WWP2: variants seen among roughly 807,000 people sequenced by gnomAD.
WWP2 encodes the protein NEDD4-like E3 ubiquitin-protein ligase WWP2.
Under a neutral mutation model 121.0 loss-of-function variants are expected in WWP2, and 57 were observed. The ratio of observed to expected loss-of-function variants is 0.47; its 90% CI spans 0.38 to 0.59. The LOEUF (loss-of-function observed/expected upper bound fraction) is 0.59. Among genes scored for constraint, WWP2 ranks in the 20% least tolerant of loss-of-function variants. The pLI is 0.00. For missense variants in WWP2, 962 were observed against 1,158.9 expected, an observed-to-expected ratio of 0.83 and a Z score of 2.47; for synonymous variants, 449 against 441.3, an observed-to-expected ratio of 1.02 and a Z score of -0.22.
At chr16:69,918,292 A>G (rs2058505685) in intron 10 of WWP2, among the ~76,000 whole-genome samples, 1 of 152,170 alleles carries the variant, frequency 6.6e-6, no homozygotes, top group East Asian at 1.9e-4. Context: ...AACAAAAACA[A>G]AAACAAAAAC....
chr16:69,891,725 C>T (rs2058031801), intron 8 of WWP2, among the ~76,000 whole-genome samples: 1 of 152,182 alleles, frequency 6.6e-6, no homozygotes, highest in Admixed American at 6.5e-5. Context: ...CCTCTTGAGC[C>T]CAGTTCTCTC....
chr16:69,830,472 A>G (rs2056774898), intron 4 of WWP2, among the ~76,000 whole-genome samples: 1 of 152,224 alleles, frequency 6.6e-6, no homozygotes. Flanking sequence ...TATTTTCTCT[A>G]GAAGAGTTCA....
intron 4 of WWP2, among the ~76,000 whole-genome samples, chr16:69,818,074 C>T (rs991524432): frequency 6.6e-6 from 1 of 152,114 alleles, no homozygotes; most frequent in Non-Finnish European, 1.5e-5. Context: ...ACCTGTTTCC[C>T]TGTATCTCCA....
rs1015331276 is a variant in WWP2 at position 69,935,128 on chromosome 16, G to A, written c.1843-725G>A. Among the ~76,000 whole-genome samples the A allele has an allele frequency of 1.3e-5, 2 of 152,188 alleles. No homozygotes were observed. The highest frequency in any genetic ancestry group is 4.1e-4 in the South Asian group (2 of 4,834). On this transcript the variant is annotated intron_variant, in intron 17 of 23. Coordinates refer to ENST00000359154, the MANE Select transcript of WWP2 (RefSeq NM_001270454.2). This position sits in a 1 kb window ranked among gnomAD's most constrained non-coding sequence, Gnocchi z 5.2. ...AAGCGGAGCCCGTGGGAGGCACAGC[G>A]CGGGAGCCACATGCATAGCTGGAGA...
chr16:69,912,369 TCACACACACACACACACACACACACACA>T (rs3051446), intron 9 of WWP2, among the ~76,000 whole-genome samples: 1 of 140,194 alleles, frequency 7.1e-6, no homozygotes, highest in Non-Finnish European at 1.5e-5. Context: ...GGAGTTAGAT[TCACACACACACACACACACACACACACA>T]CACACACACA....
At chr16:69,807,872 T>C (rs2056313583) in intron 4 of WWP2, among the ~76,000 whole-genome samples, 1 of 151,258 alleles carries the variant, frequency 6.6e-6, no homozygotes, top group Non-Finnish European at 1.5e-5. Flanking sequence ...GGTGGGAGGA[T>C]TGCTTCAGTC....
At position 69,937,212 on chromosome 16, in the gene WWP2, C is replaced by T. The variant is rs753776280; in HGVS notation, c.2212C>T (p.Arg738Cys). ...CGAGGTGGCCCCGCTGGAGTGGCTG[C>T]GCTACTTTGACGAGAAAGAGCTGGA... The part of the protein sequence containing the change: ...FNEVAPLEWL[R>C]YFDEKELELM... Residue 738 changes from arginine to cysteine, a missense_variant, in exon 20 of 24, where the codon CGC (arginine) becomes TGC (cysteine). By Grantham distance (180) the Arg-to-Cys change is radical (BLOSUM62 -3). Around this residue, in one of 3 missense-constraint regions of WWP2, gnomAD observed 606 missense variants for 772.6 expected, o/e 0.78. Transcript: ENST00000359154. This position sits in a 1 kb window ranked among gnomAD's most constrained non-coding sequence, Gnocchi z 6.6. 2.7e-5 allele frequency: 43 copies of T among 1,613,174 alleles called. No homozygotes were observed. The highest frequency in any genetic ancestry group is 3.3e-5 in the Admixed American group (2 of 59,946).
intron 6 of WWP2, among the ~76,000 whole-genome samples, chr16:69,847,863 A>C (rs1224360643): frequency 6.6e-6 from 1 of 152,110 alleles, no homozygotes; most frequent in African/African-American, 2.4e-5. Context: ...TTGGGAATCA[A>C]ATTTCAACAT....
chr16:69,785,147 C>T (rs1361670406), intron 1 of WWP2, among the ~76,000 whole-genome samples: 1 of 151,198 alleles, frequency 6.6e-6, no homozygotes, highest in East Asian at 1.9e-4. Context: ...GCACGAGAAT[C>T]ACTTCAACTT....
intron 7 of WWP2, among the ~76,000 whole-genome samples, chr16:69,887,243 G>A (rs770215392): frequency 1.3e-5 from 2 of 152,152 alleles, no homozygotes; most frequent in African/African-American, 4.8e-5. Flanking sequence ...TTGAGCATGA[G>A]CCTTTACAAG....
intron 16 of WWP2, chr16:69,933,058 T>G: frequency 2.0e-6 from 1 of 493,382 alleles, no homozygotes; most frequent in South Asian, 1.5e-5. Context: ...CTTGGTGGGC[T>G]TCTGGTGTGG....
intron 4 of WWP2, among the ~76,000 whole-genome samples, chr16:69,820,825 T>TACACACACACACAC (rs34214656): frequency 3.5e-4 from 50 of 144,166 alleles, no homozygotes; most frequent in Non-Finnish European, 6.4e-4. Flanking sequence ...TACATGCATA[T>TACACACACACACAC]ACACACACAC....
At chr16:69,802,253 T>C (rs2056184157) in intron 4 of WWP2, among the ~76,000 whole-genome samples, 1 of 152,190 alleles carries the variant, frequency 6.6e-6, no homozygotes, top group Admixed American at 6.6e-5. Flanking sequence ...TGTGATAAAA[T>C]ACACATGATG....
At chr16:69,877,514 T>A (rs1399530199) in intron 7 of WWP2, among the ~76,000 whole-genome samples, 3 of 152,344 alleles carry the variant, frequency 2.0e-5, no homozygotes, top group African/African-American at 7.2e-5. Context: ...ATCACTCAAG[T>A]GTTCATCAGA....
At chr16:69,792,285 A>G (rs879356139) in intron 2 of WWP2, among the ~76,000 whole-genome samples, 1 of 152,206 alleles carries the variant, frequency 6.6e-6, no homozygotes, top group Non-Finnish European at 1.5e-5. Flanking sequence ...AAAGCATAGT[A>G]TAATAAAACA....
At chr16:69,843,371 C>T (rs776625004) in intron 6 of WWP2, among the ~76,000 whole-genome samples, 1 of 151,952 alleles carries the variant, frequency 6.6e-6, no homozygotes, top group African/African-American at 2.4e-5. Context: ...GGCAACTGAA[C>T]GTCTAGGCAG....
intron 2 of WWP2, among the ~76,000 whole-genome samples, chr16:69,787,690 C>T (rs2055823098): frequency 6.6e-6 from 1 of 152,228 alleles, no homozygotes; most frequent in Admixed American, 6.5e-5. Context: ...CTTCTTCCAA[C>T]CTCTGGCTTT....
At chr16:69,882,599 A>G (rs1481860984) in intron 7 of WWP2, among the ~76,000 whole-genome samples, 1 of 152,164 alleles carries the variant, frequency 6.6e-6, no homozygotes, top group Non-Finnish European at 1.5e-5. Context: ...AGCTGAGACC[A>G]TGGGTGCTGT....
At chr16:69,907,469 C>T (rs2058311983) in intron 8 of WWP2, among the ~76,000 whole-genome samples, 1 of 152,222 alleles carries the variant, frequency 6.6e-6, no homozygotes, top group Non-Finnish European at 1.5e-5. Context: ...TTCTCCTAGA[C>T]AGTACCCAAA....
Sources: gnomAD v4.1 joint callset for allele counts (sites outside exome capture counted in the v4.1 genomes callset) on GRCh38, gnomAD v4.1.1 for gene constraint, gnomAD v4.1.1 regional missense constraint, Gnocchi (gnomAD v3.1) non-coding constraint, MANE v1.5 for transcripts, NCBI Gene and HGNC (gene_info 2026-07-23, HGNC 2026-07-21) for gene names.